The following REV3L variants were observed in gnomAD, a reference collection of about 807,000 sequenced individuals.
REV3L encodes the protein REV3 like, DNA directed polymerase zeta catalytic subunit.
A neutral mutation model predicts 299.4 loss-of-function variants in REV3L; 69 were observed. That is an observed-to-expected ratio of 0.23 (90% CI 0.19 to 0.28). REV3L has a LOEUF of 0.28. REV3L is among the 10% of genes least tolerant of loss of function. The pLI, the probability that REV3L is intolerant of heterozygous loss-of-function variation, is 1.00. For missense variants in REV3L, 3,128 were observed against 3,693.8 expected, an observed-to-expected ratio of 0.85 and a Z score of 3.97; for synonymous variants, 1,238 against 1,271.4, an observed-to-expected ratio of 0.97 and a Z score of 0.56.
chr6:111,342,968 C>G (rs1776671944), intron 21 of REV3L, among the ~76,000 whole-genome samples: 1 of 152,102 alleles, frequency 6.6e-6, no homozygotes, highest in Non-Finnish European at 1.5e-5. Flanking sequence ...ATAAAGACAT[C>G]TTCATATAAA....
Position 111,307,526 on chromosome 6 carries a change from C to T in REV3L, c.9087G>A (p.Arg3029=). 6.2e-7 allele frequency: 1 copy of T among 1,614,206 alleles called. No individual in the cohort carries two copies. Among genetic ancestry groups the T allele is most frequent in the Non-Finnish European group, 8.5e-7 (1 of 1,180,030 alleles). ...TAAAATATTGTGAAATAGTGCCTTT[C>T]CGCCCTTCAGGTTCACTTCGCGAGG... is the stretch of plus-strand genomic sequence containing the variant. ...TSSSRSEPEG[R]KGTISQYFTT... The change falls in exon 31 of 32, where the codon CGG becomes CGA. Residue 3029 remains arginine, a synonymous_variant. Transcript: ENST00000368802.
chr6:111,347,268 CATAA>C (rs202017563), intron 20 of REV3L, among the ~76,000 whole-genome samples: 5,363 of 151,384 alleles, frequency 0.035, 313 homozygotes, highest in African/African-American at 0.12. Context: ...GACTCCGTCT[CATAA>C]ATAAATAAAA....
chr6:111,474,026 C>T (rs1792591929), intron 1 of REV3L, among the ~76,000 whole-genome samples: 1 of 152,020 alleles, frequency 6.6e-6, no homozygotes, highest in Non-Finnish European at 1.5e-5. Context: ...AACAGGAGGG[C>T]ATTTGGAGGC....
intron 4 of REV3L, 126 bp from the exon 5 acceptor site, chr6:111,393,098 C>T (rs896994210): frequency 1.7e-5 from 10 of 578,492 alleles, no homozygotes; most frequent in Non-Finnish European, 2.5e-5. Flanking sequence ...AGTACAGTGG[C>T]GCAATCTCGG....
intron 1 of REV3L, chr6:111,431,459 A>C: frequency 9.5e-7 from 1 of 1,052,992 alleles, no homozygotes; most frequent in Non-Finnish European, 1.5e-6. Context: ...TCCAGAAGAA[A>C]CTTGATGAGA....
chr6:111,421,110 A>AGAGC (rs1418401365), intron 1 of REV3L, among the ~76,000 whole-genome samples: 2 of 152,208 alleles, frequency 1.3e-5, no homozygotes, highest in Non-Finnish European at 2.9e-5. Context: ...CCTGGGAGAC[A>AGAGC]GAGCGAGACT....
chr6:111,303,766 C>A, intron 31 of REV3L, among the ~76,000 whole-genome samples: 1 of 119,424 alleles, frequency 8.4e-6, no homozygotes. Flanking sequence ...GTCACCCAGG[C>A]TGGAGTTCAG....
At chr6:111,354,123 T>A (rs1461001127) in intron 18 of REV3L, 2 of 152,232 alleles carry the variant, frequency 1.3e-5, no homozygotes, top group African/African-American at 4.8e-5. Context: ...TATCACATAG[T>A]TACCTATCAC....
chr6:111,446,886 T>C (rs1788928046), intron 1 of REV3L, among the ~76,000 whole-genome samples: 1 of 152,140 alleles, frequency 6.6e-6, no homozygotes, highest in African/African-American at 2.4e-5. Context: ...AATGAATAAA[T>C]CTACTCTTTG....
chr6:111,402,386 C>A (rs554022836), intron 4 of REV3L, among the ~76,000 whole-genome samples: 1 of 152,324 alleles, frequency 6.6e-6, no homozygotes, highest in Non-Finnish European at 1.5e-5. Context: ...GCAGGACCCA[C>A]TTCTGCTTTT....
At chr6:111,395,626 TATATC>T (rs1782412529) in intron 4 of REV3L, among the ~76,000 whole-genome samples, 1 of 152,202 alleles carries the variant, frequency 6.6e-6, no homozygotes, top group Admixed American at 6.5e-5. Flanking sequence ...TTTTGCCATA[TATATC>T]ATGTCACCTG....
Position 111,338,420 on chromosome 6 carries a change from T to C in REV3L, c.7539-2810A>G, listed in dbSNP as rs1046589625. On this transcript the variant is annotated intron_variant, in intron 21 of 31. Coordinates refer to ENST00000368802, the MANE Select transcript of REV3L (RefSeq NM_001372078.1). ...ACAATTAAGAAACATAATCAGCAGATTAAGAATTCCTTTAGTAAGGTAAAC... is the reference window on the plus strand; with the variant it reads ...ACAATTAAGAAACATAATCAGCAGACTAAGAATTCCTTTAGTAAGGTAAAC... Among the ~76,000 whole-genome samples, 11 of 148,312 alleles carry C rather than the reference T, an allele frequency of 7.4e-5. 1 individual carries two copies. Among genetic ancestry groups the C allele is most frequent in the Non-Finnish European group, 3.0e-5 (2 of 67,540 alleles).
At chr6:111,465,022 A>G (rs117611750) in intron 1 of REV3L, among the ~76,000 whole-genome samples, 1 of 151,906 alleles carries the variant, frequency 6.6e-6, no homozygotes, top group Non-Finnish European at 1.5e-5. Flanking sequence ...AAAACACATA[A>G]AACGGTCTAT....
rs1309775421 is a variant in REV3L, at chr6:111,374,143, G to A, written c.4212C>T (p.Arg1404=). 1.2e-6 allele frequency: 2 copies of A among 1,613,980 alleles called. No homozygotes were observed. The highest frequency in any genetic ancestry group is 1.1e-5 in the South Asian group (1 of 91,072). The part of the protein sequence containing the change: ...LSSIGKLSEY[R]NSLESKLDQA... Reference sequence around the variant, plus strand: ...GGTCCAGCTTTGATTCTAGGGAATTGCGATATTCACTTAACTTTCCGATTG... The same window carrying A: ...GGTCCAGCTTTGATTCTAGGGAATTACGATATTCACTTAACTTTCCGATTG... Residue 1404 remains arginine, a synonymous_variant, in exon 13 of 32, where the codon CGC becomes CGT. Transcript: ENST00000368802.
intron 25 of REV3L, among the ~76,000 whole-genome samples, chr6:111,325,890 G>C (rs902426206): frequency 1.3e-5 from 2 of 151,992 alleles, no homozygotes; most frequent in Admixed American, 6.6e-5. Context: ...TTGTATTTTT[G>C]TACTCATTAA....
intron 4 of REV3L, among the ~76,000 whole-genome samples, chr6:111,403,860 G>A (rs1294527838): frequency 1.3e-5 from 2 of 152,172 alleles, no homozygotes; most frequent in East Asian, 1.9e-4. Flanking sequence ...GCCAAGTAGT[G>A]AATGCAAAGG....
chr6:111,397,924 CTAAAG>C (rs1441732395), intron 4 of REV3L, among the ~76,000 whole-genome samples: 5 of 151,824 alleles, frequency 3.3e-5, no homozygotes, highest in African/African-American at 1.2e-4. Context: ...GTGCCCGGCT[CTAAAG>C]TAAAGTTTAA....
intron 26 of REV3L, among the ~76,000 whole-genome samples, chr6:111,317,744 G>A (rs548560937): frequency 6.6e-6 from 1 of 152,314 alleles, no homozygotes; most frequent in East Asian, 1.9e-4. Flanking sequence ...GTGGAGGACT[G>A]CTTGAGGCCA....
rs531364183 is a variant in REV3L, at chr6:111,411,217, A to T, written c.404+263T>A. ...CTGGCCAGAAGAGGCCTAACATCAC[A>T]CAAGGCAGCCGTAATCTCTCCTAAC... On this transcript the variant is annotated intron_variant, in intron 3 of 31. Transcript: ENST00000368802. Among the ~76,000 whole-genome samples the T allele has an allele frequency of 2.0e-5, 3 of 152,268 alleles. No individual in the cohort carries two copies. The South Asian group carries it at 6.2e-4, about 32-fold the overall frequency.
Sources: gnomAD v4.1 joint callset for allele counts (sites outside exome capture counted in the v4.1 genomes callset) on GRCh38, gnomAD v4.1.1 for gene constraint, MANE v1.5 for transcripts, NCBI Gene and HGNC (gene_info 2026-07-23, HGNC 2026-07-21) for gene names.